The following C1GALT1C1 variants were observed in gnomAD, a reference collection of about 807,000 sequenced individuals.
The protein encoded by C1GALT1C1 is C1GALT1-specific chaperone 1.
For missense variants in C1GALT1C1, 176 were observed against 234.7 expected (o/e 0.75, Z 1.63); for synonymous variants, 77 against 77.9 (o/e 0.99, Z 0.06).
Position 120,626,423 on chromosome X carries a change from G to A in C1GALT1C1, c.744C>T (p.Thr248=), listed in dbSNP as rs748970366. The change falls in exon 2 of 2, where the codon ACC becomes ACT. Residue 248 remains threonine (T), a synonymous_variant. Transcript: ENST00000304661. ...EDADGKDVFN[T]KSVGLSIKEA... Reference sequence around the variant, plus strand: ...CTTTAATAGAAAGCCCAACAGATTTGGTATTAAATACATCTTTTCCATCAG... The same window carrying A: ...CTTTAATAGAAAGCCCAACAGATTTAGTATTAAATACATCTTTTCCATCAG... The A allele has an allele frequency of 1.2e-5, 15 of 1,211,192 alleles. No homozygotes were observed. The highest frequency in any genetic ancestry group is 2.3e-4 in the Middle Eastern group (1 of 4,347).
In C1GALT1C1 at chrX:120,626,173, C is replaced by T; in HGVS notation, c.*37G>A. The T allele has an allele frequency of 9.1e-7, 1 of 1,096,242 alleles. No homozygotes were observed. The allele number at this position is 1,096,242 out of a possible 1,213,427, so 90.3% of individuals were successfully genotyped here. A position where few individuals can be genotyped will look rare whatever the true frequency, so the allele number is the denominator to read the frequency against. ...ACTACAAATAATGACAACACACGTC[C>T]TATACAAAGATCATATTCACGCTTT... On this transcript the variant is annotated 3_prime_UTR_variant, in exon 2 of 2. Transcript: ENST00000304661.
Position 120,626,680 on chromosome X carries a change from G to C in C1GALT1C1, c.487C>G (p.Pro163Ala). 1.7e-6 allele frequency: 2 copies of C among 1,210,668 alleles called. No homozygotes were observed. Among genetic ancestry groups the C allele is most frequent in the Non-Finnish European group, 2.2e-6 (2 of 894,974 alleles). ...TGGCCTAGATAGAAAGGCTGTGATG[G>C]ATCCTTTTTTAACAAAAAATACTTT... ...NLKYFLLKKD[P>A]SQPFYLGHTI... Residue 163 changes from proline (P) to alanine (A), a missense_variant, in exon 2 of 2, where the codon CCA becomes GCA. Physicochemically the swap from Pro to Ala is conservative, Grantham distance 27. Coordinates refer to ENST00000304661, the MANE Select transcript of C1GALT1C1 (RefSeq NM_001011551.3).
intron 1 of C1GALT1C1, 65 bp from the exon 2 acceptor site, chrX:120,627,236 G>T: frequency 2.3e-6 from 2 of 859,966 alleles, no homozygotes; most frequent in Non-Finnish European, 1.6e-6. Context: ...AATTTGATTT[G>T]GTATTCCTTA....
Position 120,625,746 on chromosome X carries a change from C to A in C1GALT1C1, c.*464G>T, listed in dbSNP as rs1463513685. On this transcript the variant is annotated 3_prime_UTR_variant, in exon 2 of 2. Transcript: ENST00000304661. Reference sequence around the variant, plus strand: ...TTTTGAGAAGGCAAATCCATTGGAACTTGGGGAGGCTTAGAACATAAATCA... The same window carrying A: ...TTTTGAGAAGGCAAATCCATTGGAAATTGGGGAGGCTTAGAACATAAATCA... The A allele has an allele frequency of 8.9e-6, 1 of 112,731 alleles. No homozygotes were observed. The highest frequency in any genetic ancestry group is 1.9e-5 in the Non-Finnish European group (1 of 53,867). The allele number at this position is 112,731 out of a possible 1,213,427, so 9.3% of individuals were successfully genotyped here. A position where few individuals can be genotyped will look rare whatever the true frequency, so the allele number is the denominator to read the frequency against.
intron 1 of C1GALT1C1, among the ~76,000 whole-genome samples, chrX:120,629,002 G>A (rs1602617284): frequency 9.0e-6 from 1 of 111,613 alleles, no homozygotes; most frequent in Middle Eastern, 4.6e-3. Context: ...CGAGGCAGGT[G>A]GATCACCTGA....
rs1433792382 is a variant in C1GALT1C1 at position 120,626,124 on chromosome X, A to G, written c.*86T>C. 2 of 841,132 alleles carry G rather than the reference A, an allele frequency of 2.4e-6. No individual in the cohort carries two copies. The highest frequency in any genetic ancestry group is 6.3e-5 in the East Asian group (2 of 31,860). The allele number at this position is 841,132 out of a possible 1,213,427, so 69.3% of individuals were successfully genotyped here. A position where few individuals can be genotyped will look rare whatever the true frequency, so the allele number is the denominator to read the frequency against. ...AATTAGAAAAGAAAAAGAAACATAC[A>G]GCTGTATTGGATATGTAGTTACTAC... is the stretch of plus-strand genomic sequence containing the variant. On this transcript the variant is annotated 3_prime_UTR_variant, in exon 2 of 2. Coordinates refer to ENST00000304661, the MANE Select transcript of C1GALT1C1 (RefSeq NM_001011551.3).
chrX:120,629,060 C>T (rs1167023809), intron 1 of C1GALT1C1, among the ~76,000 whole-genome samples: 1 of 110,321 alleles, frequency 9.1e-6, no homozygotes, highest in African/African-American at 3.3e-5. Context: ...GACCCTGTCT[C>T]GACTAAAAAT....
intron 1 of C1GALT1C1, among the ~76,000 whole-genome samples, chrX:120,629,382 G>C (rs1306355383): frequency 8.9e-6 from 1 of 111,770 alleles, no homozygotes; most frequent in Non-Finnish European, 1.9e-5. Flanking sequence ...GCTCAATTAT[G>C]GCATATGTGT....
Position 120,626,245 on chromosome X carries a change from C to T in C1GALT1C1, c.922G>A (p.Val308Ile), listed in dbSNP as rs1383738661. 4.1e-6 allele frequency: 5 copies of T among 1,210,909 alleles called. No individual in the cohort carries two copies. The highest frequency in any genetic ancestry group is 3.4e-6 in the Non-Finnish European group (3 of 894,704). Residue 308 changes from valine to isoleucine, a missense_variant, in exon 2 of 2, where the codon GTT becomes ATT. By Grantham distance (29) the Val-to-Ile change is conservative. Transcript: ENST00000304661. ...AFGHIFNDAL[V>I]FLPPNGSDND is the part of the protein sequence containing the mutation. ...TCAGAACCATTTGGAGGTAAGAAAA[C>T]CAATGCATCATTGAAAATATGCCCA...
At position 120,626,398 on chromosome X, in the gene C1GALT1C1, C is replaced by G. The variant is rs1233786103; in HGVS notation, c.769G>C (p.Glu257Gln). 25 of 1,211,048 alleles carry G rather than the reference C, an allele frequency of 2.1e-5. No homozygotes were observed. The highest frequency in any genetic ancestry group is 1.3e-4 in the Admixed American group (6 of 45,870). The change falls in exon 2 of 2, where the codon GAG becomes CAG. Residue 257 changes from glutamate to glutamine, a missense_variant. Glu to Gln is a conservative substitution (Grantham distance 29). Coordinates refer to ENST00000304661, the MANE Select transcript of C1GALT1C1 (RefSeq NM_001011551.3). ...TGGTTGGGGTGATAAGTCATTGCCT[C>G]TTTAATAGAAAGCCCAACAGATTTG... The part of the protein sequence containing the change: ...NTKSVGLSIK[E>Q]AMTYHPNQVV...
At position 120,626,822 on chromosome X, in the gene C1GALT1C1, T is replaced by G; in HGVS notation, c.345A>C (p.Thr115=). 1 of 1,210,460 alleles carries G rather than the reference T, an allele frequency of 8.3e-7. No homozygotes were observed. The highest frequency in any genetic ancestry group is 1.1e-6 in the Non-Finnish European group (1 of 894,594). ...VKVFESINMD[T]NDMWLMMRKA... is the part of the protein sequence containing the mutation. ...TTCTCATCATTAACCACATGTCATTTGTGTCCATATTAATTGACTCAAACA... is the reference window on the plus strand; with the variant it reads ...TTCTCATCATTAACCACATGTCATTGGTGTCCATATTAATTGACTCAAACA... The change falls in exon 2 of 2, where the codon ACA becomes ACC. Residue 115 remains threonine, a synonymous_variant. Coordinates refer to ENST00000304661, the MANE Select transcript of C1GALT1C1 (RefSeq NM_001011551.3).
Position 120,627,088 on chromosome X carries a change from G to A in C1GALT1C1, c.79C>T (p.His27Tyr). 1 of 1,198,454 alleles carries A rather than the reference G, an allele frequency of 8.3e-7. No individual in the cohort carries two copies. The change falls in exon 2 of 2, where the codon CAC (histidine) becomes TAC (tyrosine). Residue 27 changes from histidine (H) to tyrosine (Y), a missense_variant. By Grantham distance (83) the His-to-Tyr change is moderately conservative (BLOSUM62 2). Coordinates refer to ENST00000304661, the MANE Select transcript of C1GALT1C1 (RefSeq NM_001011551.3). ...CTATTTCCATGACCAATCCTAATGT[G>A]TCCTAGCATAGTGATCAAAGCACAG... ...IFCALITMLG[H>Y]IRIGHGNRMH... is the part of the protein sequence containing the mutation.
rs1171043567 is a variant in C1GALT1C1, at chrX:120,626,757, T to C, written c.410A>G (p.Tyr137Cys). 1.7e-6 allele frequency: 2 copies of C among 1,211,218 alleles called. No individual in the cohort carries two copies. The highest frequency in any genetic ancestry group is 3.5e-5 in the African/African-American group (2 of 57,775). Reference protein sequence around the residue: ...KYAFDKYRDQYNWFFLARPTT... With the variant: ...KYAFDKYRDQCNWFFLARPTT... The stretch of plus-strand genomic sequence containing the variant: ...GGGGCGTGCAAGGAAGAACCAGTTG[T>C]ATTGGTCTCTATACTTATCAAAGGC... The change falls in exon 2 of 2, where the codon TAC (tyrosine) becomes TGC (cysteine). Residue 137 changes from tyrosine to cysteine, a missense_variant. By Grantham distance (194) the Tyr-to-Cys change is radical. Transcript: ENST00000304661.
At position 120,627,016 on chromosome X, in the gene C1GALT1C1, C is replaced by G; in HGVS notation, c.151G>C (p.Asp51His). The change falls in exon 2 of 2, where the codon GAT becomes CAT. Residue 51 changes from aspartate (D) to histidine (H), a missense_variant. Physicochemically the swap from Asp to His is moderately conservative, Grantham distance 81. Coordinates refer to ENST00000304661, the MANE Select transcript of C1GALT1C1 (RefSeq NM_001011551.3). ...TCATCCTCTGAAATTTTCAAGATAT[C>G]TTCTTTGTTAGGAGCTTGTAGGTGA... ...HHHLQAPNKE[D>H]ILKISEDERM... The G allele has an allele frequency of 8.3e-7, 1 of 1,210,989 alleles. No individual in the cohort carries two copies. The highest frequency in any genetic ancestry group is 1.1e-6 in the Non-Finnish European group (1 of 895,344).
rs1376259140 is a variant in C1GALT1C1, at chrX:120,627,249, T to C, written c.-5-78A>G. 7 of 752,845 alleles carry C rather than the reference T, an allele frequency of 9.3e-6. No homozygotes were observed. In the Admixed American group the frequency reaches 1.2e-4, roughly 13 times the overall value. 62.0% of individuals were successfully genotyped at this position (752,845 alleles called of 1,213,427 possible). A position where few individuals can be genotyped will look rare whatever the true frequency, so the allele number is the denominator to read the frequency against. On this transcript the variant is annotated intron_variant, in intron 1 of 1. Coordinates refer to ENST00000304661, the MANE Select transcript of C1GALT1C1 (RefSeq NM_001011551.3). ...TAAATTTGATTTGGTATTCCTTATA[T>C]ACTTACATTTTGCTTTTAATGTTTT...
intron 1 of C1GALT1C1, 86 bp downstream of exon 1, chrX:120,629,831 G>C (rs1198811369): frequency 8.9e-6 from 1 of 112,196 alleles, no homozygotes; most frequent in African/African-American, 3.2e-5. Context: ...GAGCATGCTG[G>C]GAGAGGGCTG....
At chrX:120,628,653 T>C (rs1472900146) in intron 1 of C1GALT1C1, among the ~76,000 whole-genome samples, 1 of 112,241 alleles carries the variant, frequency 8.9e-6, no homozygotes, top group Non-Finnish European at 1.9e-5. Context: ...ATCCTTGTTT[T>C]CATACAAATG....
rs761999635 is a variant in C1GALT1C1 at position 120,626,737 on chromosome X, G to A, written c.430C>T (p.Arg144Cys). ...TCAATGATAGCAAACGTAGTGGGGC[G>A]TGCAAGGAAGAACCAGTTGTATTGG... is the stretch of plus-strand genomic sequence containing the variant. ...RDQYNWFFLA[R>C]PTTFAIIENL... Residue 144 changes from arginine (R) to cysteine (C), a missense_variant, in exon 2 of 2, where the codon CGC becomes TGC. Physicochemically the swap from Arg to Cys is radical, Grantham distance 180 (BLOSUM62 -3). Transcript: ENST00000304661. 7.4e-6 allele frequency: 9 copies of A among 1,209,787 alleles called. No homozygotes were observed. The Admixed American group carries it at 1.1e-4, about 15-fold the overall frequency.
Position 120,626,392 on chromosome X carries a change from T to C in C1GALT1C1, c.775A>G (p.Met259Val). The C allele has an allele frequency of 8.2e-7, 1 of 1,212,332 alleles. No individual in the cohort carries two copies. ...ACTACCTGGTTGGGGTGATAAGTCA[T>C]TGCCTCTTTAATAGAAAGCCCAACA... The part of the protein sequence containing the change: ...KSVGLSIKEA[M>V]TYHPNQVVEG... Residue 259 changes from methionine (M) to valine (V), a missense_variant, in exon 2 of 2, where the codon ATG becomes GTG. Coordinates refer to ENST00000304661, the MANE Select transcript of C1GALT1C1 (RefSeq NM_001011551.3).
Sources: gnomAD v4.1 joint callset for allele counts (sites outside exome capture counted in the v4.1 genomes callset) on GRCh38, gnomAD v4.1.1 for gene constraint, MANE v1.5 for transcripts, NCBI Gene and HGNC (gene_info 2026-07-23, HGNC 2026-07-21) for gene names.